SMAP2: variants seen among roughly 807,000 people sequenced by gnomAD.
SMAP2 encodes stromal membrane-associated protein 2.
Under a neutral mutation model 56.4 loss-of-function variants are expected in SMAP2, and 25 were observed. The observed-to-expected ratio is 0.44, with a 90% CI of 0.32 to 0.62. SMAP2 has a LOEUF of 0.62. Among genes scored for constraint, SMAP2 ranks in the 20% least tolerant of loss-of-function variants. The probability of loss-of-function intolerance (pLI) is 0.04; values close to 1 mark genes in which losing one functional copy is unlikely to be tolerated. For synonymous variants in SMAP2, 157 were observed against 181.7 expected (o/e 0.86, Z 1.09); for missense variants, 388 against 545.6 (o/e 0.71, Z 2.88).
At chr1:40,393,379 G>A in intron 1 of SMAP2, 1 of 1,535,468 alleles carries the variant, frequency 6.5e-7, no homozygotes, top group East Asian at 2.4e-5. Context: ...AGGCAGCAGA[G>A]CGCCGTGGGA....
chr1:40,354,974 G>A (rs1644428847), intron 1 of SMAP2, among the ~76,000 whole-genome samples: 1 of 151,080 alleles, frequency 6.6e-6, no homozygotes, highest in African/African-American at 2.4e-5. Flanking sequence ...AGTAGAGAGG[G>A]GGTTTCACCA....
intron 2 of SMAP2, among the ~76,000 whole-genome samples, chr1:40,367,881 A>G (rs1185768643): frequency 8.9e-6 from 1 of 112,640 alleles, no homozygotes; most frequent in African/African-American, 3.6e-5. Context: ...ATAGAGACAC[A>G]AAAAACCCTT....
In SMAP2 at chr1:40,354,569, C is replaced by A. The variant is rs1013253138; in HGVS notation, c.-82-7731C>A. 3.3e-5 allele frequency among the ~76,000 whole-genome samples: 5 copies of A among 151,716 alleles called. No individual in the cohort carries two copies. The South Asian group carries it at 1.0e-3, about 32-fold the overall frequency. ...GGCCAGGCTGGTCTCAAATTCCTGA[C>A]CTTGGGATCTGCCTGCCTCGATCTC... On this transcript the variant is annotated intron_variant, in intron 1 of 6. Transcript: ENST00000435168.
At chr1:40,416,374 G>A (rs1014081981) in intron 8 of SMAP2, 33 bp downstream of exon 8, 1 of 1,596,794 alleles carries the variant, frequency 6.3e-7, no homozygotes, top group Non-Finnish European at 8.5e-7. Context: ...CCATGTGCCA[G>A]GTAGAGACAT....
intron 1 of SMAP2, among the ~76,000 whole-genome samples, chr1:40,381,188 T>C (rs1423281728): frequency 6.6e-6 from 1 of 152,224 alleles, no homozygotes; most frequent in Non-Finnish European, 1.5e-5. Context: ...CCACTACATA[T>C]AGTCATTCAG....
chr1:40,422,215 G>A lies in SMAP2; in HGVS notation c.*114G>A. 1.4e-6 allele frequency: 2 copies of A among 1,423,748 alleles called. No homozygotes were observed. Among genetic ancestry groups the A allele is most frequent in the South Asian group, 2.6e-5 (2 of 75,966 alleles). 88.2% of individuals were successfully genotyped at this position (1,423,748 alleles called of 1,614,324 possible). ...TACCTCTCTGTTTGGTTTAGAAATT[G>A]CTCAATAAGTCATTTGGGGTTTGGC... On this transcript the variant is annotated 3_prime_UTR_variant, in exon 10 of 10. Coordinates refer to ENST00000372718, the MANE Select transcript of SMAP2 (RefSeq NM_022733.3).
At position 40,415,525 on chromosome 1, in the gene SMAP2, A is replaced by C. The variant is rs1644978489; in HGVS notation, c.681+144A>C. On this transcript the variant is annotated intron_variant, in intron 7 of 9. Coordinates refer to ENST00000372718, the MANE Select transcript of SMAP2 (RefSeq NM_022733.3). Reference sequence around the variant, plus strand: ...TTCATTCTTCCCTTAACATTGTGTCATTTCTGTCACAGTCTAAGATTGCTG... The same window carrying C: ...TTCATTCTTCCCTTAACATTGTGTCCTTTCTGTCACAGTCTAAGATTGCTG... 5.9e-6 allele frequency: 4 copies of C among 679,814 alleles called. No homozygotes were observed. In the South Asian group the frequency reaches 7.0e-5, roughly 12 times the overall value. 42.1% of individuals were successfully genotyped at this position (679,814 alleles called of 1,614,324 possible). A position where few individuals can be genotyped will look rare whatever the true frequency, so the allele number is the denominator to read the frequency against.
intron 2 of SMAP2, among the ~76,000 whole-genome samples, chr1:40,363,172 A>T (rs1386196158): frequency 6.6e-6 from 1 of 152,330 alleles, no homozygotes; most frequent in South Asian, 2.1e-4. Flanking sequence ...TTGAGCATTA[A>T]TTTAACAAAA....
At chr1:40,401,148 A>G (rs1174035134) in intron 1 of SMAP2, among the ~76,000 whole-genome samples, 1 of 152,186 alleles carries the variant, frequency 6.6e-6, no homozygotes, top group Non-Finnish European at 1.5e-5. Context: ...CTGTAGTCTC[A>G]GCTACTCGGG....
chr1:40,413,069 A>G lies in SMAP2; in HGVS notation c.456A>G (p.Lys152=). The G allele has an allele frequency of 6.2e-7, 1 of 1,614,040 alleles. No homozygotes were observed. Among genetic ancestry groups the G allele is most frequent in the South Asian group, 1.1e-5 (1 of 91,080 alleles). ...KRGSEPVPEK[K]LEPVVFEKVK... ...GGAGCGAACCAGTTCCAGAAAAAAAATTGGAACCTGTTGTTTTTGAGAAGG... is the reference window on the plus strand; with the variant it reads ...GGAGCGAACCAGTTCCAGAAAAAAAGTTGGAACCTGTTGTTTTTGAGAAGG... The change falls in exon 5 of 10, where the codon AAA becomes AAG. Residue 152 remains lysine, a synonymous_variant. Transcript: ENST00000372718.
At position 40,374,373 on chromosome 1, in the gene SMAP2, T is replaced by C; in HGVS notation, c.103+150T>C. On this transcript the variant is annotated intron_variant, in intron 1 of 9. Coordinates refer to ENST00000372718, the MANE Select transcript of SMAP2 (RefSeq NM_022733.3). The surrounding 1 kb of genome is among the most constrained non-coding windows in gnomAD (Gnocchi z 5.9). ...GCGCTTGCAGTGAGCCTACTGGGCT[T>C]TCTGCAGCTGGGGGATTGGTATGGG... 2 of 731,604 alleles carry C rather than the reference T, an allele frequency of 2.7e-6. No individual in the cohort carries two copies. The allele number at this position is 731,604 out of a possible 1,614,324, so 45.3% of individuals were successfully genotyped here.
chr1:40,413,396 A>G (rs912213576), intron 5 of SMAP2, among the ~76,000 whole-genome samples: 1 of 152,264 alleles, frequency 6.6e-6, no homozygotes, highest in Admixed American at 6.5e-5. Context: ...GAGGGACACC[A>G]TCTGAGCAGA....
intron 1 of SMAP2, among the ~76,000 whole-genome samples, chr1:40,351,424 T>G (rs1049663687): frequency 1.3e-5 from 2 of 152,220 alleles, no homozygotes; most frequent in African/African-American, 4.8e-5. Context: ...CTGTTCAGAG[T>G]ATAAATTTAT....
In SMAP2 at chr1:40,416,902, C is replaced by A. The variant is rs1644993343; in HGVS notation, c.970C>A (p.Pro324Thr). 1 of 1,614,212 alleles carries A rather than the reference C, an allele frequency of 6.2e-7. No homozygotes were observed. The highest frequency in any genetic ancestry group is 2.2e-5 in the East Asian group (1 of 44,872). The change falls in exon 9 of 10, where the codon CCA (proline) becomes ACA (threonine). Residue 324 changes from proline (P) to threonine (T), a missense_variant. Physicochemically the swap from Pro to Thr is conservative, Grantham distance 38. Transcript: ENST00000372718. ...TCCACCAGTAGGCATGGTTGCTCAGCCAGGAGCTTCTGGGATGGTTGCCCC... is the reference window on the plus strand; with the variant it reads ...TCCACCAGTAGGCATGGTTGCTCAGACAGGAGCTTCTGGGATGGTTGCCCC... Reference protein sequence around the residue: ...MPPPVGMVAQPGASGMVAPMA... With the variant: ...MPPPVGMVAQTGASGMVAPMA...
At chr1:40,393,849 C>G (rs1380864939) in intron 1 of SMAP2, among the ~76,000 whole-genome samples, 4 of 152,104 alleles carry the variant, frequency 2.6e-5, no homozygotes, top group African/African-American at 9.7e-5. Context: ...CCGGCCACTT[C>G]TAACCTTTTT....
chr1:40,370,805 A>G (rs1644493118), upstream of SMAP2, among the ~76,000 whole-genome samples: 2 of 145,014 alleles, frequency 1.4e-5, no homozygotes. Flanking sequence ...ATGTATACAT[A>G]TGTAACTAAC....
At chr1:40,353,990 G>T (rs1644421692) in intron 1 of SMAP2, among the ~76,000 whole-genome samples, 1 of 152,098 alleles carries the variant, frequency 6.6e-6, no homozygotes. Context: ...AATACAATAG[G>T]TTGAGGATGG....
intron 5 of SMAP2, 93 bp downstream of exon 5, chr1:40,413,195 G>A (rs1334301489): frequency 5.5e-6 from 5 of 912,964 alleles, no homozygotes; most frequent in Non-Finnish European, 9.0e-6. Flanking sequence ...GAGTACCATT[G>A]CACCATCACA....
Position 40,373,885 on chromosome 1 carries a change from T to C in SMAP2, c.-236T>C, listed in dbSNP as rs1644516129. The C allele has an allele frequency of 2.3e-6, 1 of 436,338 alleles. No homozygotes were observed. The highest frequency in any genetic ancestry group is 4.1e-6 in the Non-Finnish European group (1 of 241,298). 27.0% of individuals were successfully genotyped at this position (436,338 alleles called of 1,614,324 possible). ...AGGGTCTCTGGCCCCGCAGCCTCTC[T>C]TGGAGGCGGGCCTGTCCCTAAGCCC... On this transcript the variant is annotated 5_prime_UTR_variant, in exon 1 of 10. Transcript: ENST00000372718.
Sources: allele counts gnomAD v4.1 joint callset (sites outside exome capture counted in the v4.1 genomes callset), GRCh38; gene constraint gnomAD v4.1.1; non-coding constraint Gnocchi (gnomAD v3.1); transcripts MANE v1.5; gene names NCBI Gene and HGNC (gene_info 2026-07-23, HGNC 2026-07-21).